VIL1: variants seen among roughly 807,000 people sequenced by gnomAD.
VIL1 encodes villin-1.
A neutral mutation model predicts 104.0 loss-of-function variants in VIL1; 86 were observed. That is an observed-to-expected ratio of 0.83 (90% CI 0.69 to 0.99). VIL1 has a LOEUF of 0.99. Ranked by LOEUF, VIL1 falls within the 50% of genes least tolerant of loss-of-function variation. The pLI is 0.00. For missense variants in VIL1, 944 were observed against 1,054.1 expected (o/e 0.90, Z 1.45); for synonymous variants, 394 against 412.6 (o/e 0.95, Z 0.55).
intron 15 of VIL1, 126 bp downstream of exon 15, chr2:218,435,560 A>C: frequency 7.6e-7 from 1 of 1,308,936 alleles, no homozygotes; most frequent in Non-Finnish European, 1.0e-6. Context: ...ACTGTGCCAG[A>C]CCCCCAGGGC....
rs1689531642 is a variant in VIL1, at chr2:218,453,081, A to G, written c.*3745A>G. 1.3e-5 allele frequency: 2 copies of G among 152,238 alleles called. No homozygotes were observed. Among genetic ancestry groups the G allele is most frequent in the African/African-American group, 4.8e-5 (2 of 41,460 alleles). The allele number at this position is 152,238 out of a possible 1,614,324, so 9.4% of individuals were successfully genotyped here. A position where few individuals can be genotyped will look rare whatever the true frequency, so the allele number is the denominator to read the frequency against. ...ATAGGTAGATGGTAGGAGGCAAAGC[A>G]TTTATCAGTAGTTGAGCAAAACTGC... On this transcript the variant is annotated 3_prime_UTR_variant, in exon 20 of 20. Coordinates refer to ENST00000248444, the MANE Select transcript of VIL1 (RefSeq NM_007127.3).
rs1434260953 is a variant in VIL1, at chr2:218,423,856, G to A, written c.75+3G>A. 1 of 1,614,162 alleles carries A rather than the reference G, an allele frequency of 6.2e-7. No homozygotes were observed. ...GGCTGCAGATATGGAGGATCGAGGTGAGGCCCTGTCTGGGCATGGGGGCTG... is the reference window on the plus strand; with the variant it reads ...GGCTGCAGATATGGAGGATCGAGGTAAGGCCCTGTCTGGGCATGGGGGCTG... On this transcript the variant is annotated splice_donor_region_variant and intron_variant, in intron 2 of 19. Coordinates refer to ENST00000248444, the MANE Select transcript of VIL1 (RefSeq NM_007127.3).
At chr2:218,422,234 A>C (rs1276483231) in intron 1 of VIL1, among the ~76,000 whole-genome samples, 1 of 152,176 alleles carries the variant, frequency 6.6e-6, no homozygotes, top group Non-Finnish European at 1.5e-5. Context: ...CAGCCTGGGC[A>C]ACAAGAGTGA....
rs1004127274 is a variant in VIL1 at position 218,438,714 on chromosome 2, C to T, written c.2217C>T (p.Ser739=). ...KAELGNSRDW[S]QITAEVTSPK... is the part of the protein sequence containing the mutation. Reference sequence around the variant, plus strand: ...AGCTTGGCAACTCTAGGGACTGGAGCCAGATCACTGCTGTGAGTCCGGGGC... The same window carrying T: ...AGCTTGGCAACTCTAGGGACTGGAGTCAGATCACTGCTGTGAGTCCGGGGC... The change falls in exon 18 of 20, where the codon AGC becomes AGT. Residue 739 remains serine, a synonymous_variant. Transcript: ENST00000248444. 1.2e-5 allele frequency: 20 copies of T among 1,611,850 alleles called. No homozygotes were observed. The African/African-American group carries it at 2.3e-4, about 18-fold the overall frequency.
chr2:218,441,960 C>T (rs1689291264), intron 19 of VIL1, among the ~76,000 whole-genome samples: 1 of 152,024 alleles, frequency 6.6e-6, no homozygotes, highest in African/African-American at 2.4e-5. Flanking sequence ...GCACTCCAGC[C>T]TGGGCGACAA....
Position 218,435,431 on chromosome 2 carries a change from A to T in VIL1, c.1823A>T (p.Lys608Met). Reference sequence around the variant, plus strand: ...GGGAAGGCCCCCTATGCCAACACCAAGAGGTAACTCTCAGGTCCCTCCGCC... The same window carrying T: ...GGGAAGGCCCCCTATGCCAACACCATGAGGTAACTCTCAGGTCCCTCCGCC... Reference protein sequence around the residue: ...LGGKAPYANTKRLQEENLVIT... With the variant: ...LGGKAPYANTMRLQEENLVIT... Residue 608 changes from lysine to methionine, a missense_variant, in exon 15 of 20, where the codon AAG (lysine) becomes ATG (methionine). Transcript: ENST00000248444. 1 of 1,613,794 alleles carries T rather than the reference A, an allele frequency of 6.2e-7. No homozygotes were observed. The highest frequency in any genetic ancestry group is 1.3e-5 in the African/African-American group (1 of 75,050).
At chr2:218,438,510 C>G (rs572677179) in intron 17 of VIL1, 148 bp from the exon 18 acceptor site, 6 of 686,702 alleles carry the variant, frequency 8.7e-6, no homozygotes, top group South Asian at 1.9e-5. Flanking sequence ...TTTCAGGGAC[C>G]CTCCTCCAGC....
rs534596454 is a variant in VIL1, at chr2:218,443,408, G to A, written c.2370+2546G>A. Among the ~76,000 whole-genome samples, 8 of 151,976 alleles carry A rather than the reference G, an allele frequency of 5.3e-5. No homozygotes were observed. In the East Asian group the frequency reaches 1.6e-3, roughly 29 times the overall value. ...AGACGGGGTTTCACCATGTTAGCCAGGCTGGTCTCAAACTCCTGACCTTAG... is the reference window on the plus strand; with the variant it reads ...AGACGGGGTTTCACCATGTTAGCCAAGCTGGTCTCAAACTCCTGACCTTAG... On this transcript the variant is annotated intron_variant, in intron 19 of 19. Coordinates refer to ENST00000248444, the MANE Select transcript of VIL1 (RefSeq NM_007127.3).
chr2:218,422,689 T>C (rs186315926), intron 1 of VIL1, among the ~76,000 whole-genome samples: 185 of 152,226 alleles, frequency 1.2e-3, no homozygotes, highest in Non-Finnish European at 1.5e-3. Context: ...AGAGATTAGA[T>C]AGTGAGATTT....
chr2:218,430,867 T>G lies in VIL1; in HGVS notation c.1091T>G (p.Val364Gly), dbSNP rs750570549. 1 of 1,613,030 alleles carries G rather than the reference T, an allele frequency of 6.2e-7. No individual in the cohort carries two copies. The highest frequency in any genetic ancestry group is 8.5e-7 in the Non-Finnish European group (1 of 1,179,528). Residue 364 changes from valine (V) to glycine (G), a missense_variant, in exon 10 of 20, where the codon GTG becomes GGG. By Grantham distance (109) the Val-to-Gly change is moderately radical. Coordinates refer to ENST00000248444, the MANE Select transcript of VIL1 (RefSeq NM_007127.3). ...TCAGGCCTAGGCAAAACCCACACTG[T>G]GGGCTCCGTGGGTGAGGGCCAGGCG... is the stretch of plus-strand genomic sequence containing the variant. ...RTSGLGKTHT[V>G]GSVAKVEQVK... is the part of the protein sequence containing the mutation.
Position 218,449,551 on chromosome 2 carries a change from A to G in VIL1, c.*215A>G, listed in dbSNP as rs1047969382. ...GCCTATGGTCCTCATTTCAACTTCT[A>G]AGGTCGCTAGATTGTTTCTATCCTG... is the stretch of plus-strand genomic sequence containing the variant. On this transcript the variant is annotated 3_prime_UTR_variant, in exon 20 of 20. Coordinates refer to ENST00000248444, the MANE Select transcript of VIL1 (RefSeq NM_007127.3). 1.3e-5 allele frequency: 6 copies of G among 464,584 alleles called. No homozygotes were observed. Among genetic ancestry groups the G allele is most frequent in the African/African-American group, 1.2e-4 (6 of 50,664 alleles). 28.8% of individuals were successfully genotyped at this position (464,584 alleles called of 1,614,324 possible).
In VIL1 at chr2:218,435,366, G is replaced by A. The variant is rs1160654429; in HGVS notation, c.1758G>A (p.Val586=). 3 of 1,614,050 alleles carry A rather than the reference G, an allele frequency of 1.9e-6. No individual in the cohort carries two copies. The highest frequency in any genetic ancestry group is 2.7e-5 in the African/African-American group (2 of 74,930). ...TISRTEKQVV[V]EGQEPANFWM... is the part of the protein sequence containing the mutation. ...CCCGGACGGAGAAGCAAGTGGTGGT[G>A]GAAGGGCAGGAGCCAGCCAACTTCT... The change falls in exon 15 of 20, where the codon GTG becomes GTA. Residue 586 remains valine (V), a synonymous_variant. Coordinates refer to ENST00000248444, the MANE Select transcript of VIL1 (RefSeq NM_007127.3).
chr2:218,434,697 T>C lies in VIL1; in HGVS notation c.1672T>C (p.Cys558Arg). ...LKTQSCCYLWCGKGCSGDERE... is the reference protein window; with the variant it reads ...LKTQSCCYLWRGKGCSGDERE... ...GACCCAGTCTTGCTGCTATCTATGG[T>C]GTGGGAAGGTGTGTTCAGGGTCTAG... Residue 558 changes from cysteine to arginine, a missense_variant, in exon 14 of 20, where the codon TGT (cysteine) becomes CGT (arginine). Transcript: ENST00000248444. The C allele has an allele frequency of 6.2e-7, 1 of 1,612,488 alleles. No homozygotes were observed. Among genetic ancestry groups the C allele is most frequent in the Non-Finnish European group, 8.5e-7 (1 of 1,179,168 alleles).
At position 218,429,636 on chromosome 2, in the gene VIL1, C is replaced by T. The variant is rs148795202; in HGVS notation, c.810C>T (p.Val270=). 3.7e-6 allele frequency: 6 copies of T among 1,614,064 alleles called. No individual in the cohort carries two copies. The highest frequency in any genetic ancestry group is 2.7e-5 in the African/African-American group (2 of 75,028). ...DSEGNLVVRE[V]ATRPLTQDLL... Reference sequence around the variant, plus strand: ...AGGGGAATCTGGTGGTGAGGGAAGTCGCCACACGGCCACTGACACAGGACC... The same window carrying T: ...AGGGGAATCTGGTGGTGAGGGAAGTTGCCACACGGCCACTGACACAGGACC... The change falls in exon 8 of 20, where the codon GTC becomes GTT. Residue 270 remains valine (V), a synonymous_variant. Coordinates refer to ENST00000248444, the MANE Select transcript of VIL1 (RefSeq NM_007127.3).
chr2:218,421,098 T>G (rs903600714), intron 1 of VIL1, among the ~76,000 whole-genome samples: 5 of 152,146 alleles, frequency 3.3e-5, no homozygotes, highest in Admixed American at 3.3e-4. Flanking sequence ...AAATGAGATC[T>G]AAATTGAGTC....
At position 218,437,297 on chromosome 2, in the gene VIL1, T is replaced by C. The variant is rs761122578; in HGVS notation, c.2145T>C (p.Asp715=). The C allele has an allele frequency of 6.2e-7, 1 of 1,613,878 alleles. No homozygotes were observed. The highest frequency in any genetic ancestry group is 1.3e-5 in the African/African-American group (1 of 75,044). ...TCACAGGCTGGTTCCTGGCTTGGGA[T>C]CCCTTCAAGTGGAGTGTGAGTGGCC... The part of the protein sequence containing the change: ...PTFTGWFLAW[D]PFKWSNTKSY... Residue 715 remains aspartate (D), a synonymous_variant, in exon 17 of 20, where the codon GAT becomes GAC. Coordinates refer to ENST00000248444, the MANE Select transcript of VIL1 (RefSeq NM_007127.3).
intron 18 of VIL1, 78 bp from the exon 19 acceptor site, chr2:218,440,644 A>G: frequency 6.3e-7 from 1 of 1,583,066 alleles, no homozygotes; most frequent in Non-Finnish European, 8.6e-7. Context: ...GGTGCCCTAG[A>G]GACTTCAGAG....
At chr2:218,421,492 A>C (rs1043776306) in intron 1 of VIL1, among the ~76,000 whole-genome samples, 2 of 152,162 alleles carry the variant, frequency 1.3e-5, no homozygotes, top group Non-Finnish European at 2.9e-5. Flanking sequence ...GGCTGGGGGA[A>C]GTGACGGGCC....
chr2:218,427,827 C>T, intron 4 of VIL1, 138 bp from the exon 5 acceptor site: 3 of 736,782 alleles, frequency 4.1e-6, no homozygotes, highest in Admixed American at 2.2e-5. Context: ...AAAGTTTGCG[C>T]CCTCAGCACC....
Sources: gnomAD v4.1 joint callset for allele counts (sites outside exome capture counted in the v4.1 genomes callset) on GRCh38, gnomAD v4.1.1 for gene constraint, MANE v1.5 for transcripts, NCBI Gene and HGNC (gene_info 2026-07-23, HGNC 2026-07-21) for gene names.